Variants in MEX3A observed in about 807,000 individuals in gnomAD.
The protein encoded by MEX3A is mex-3 RNA binding family member A.
Under a neutral mutation model 30.0 loss-of-function variants are expected in MEX3A, and 4 were observed. That is an observed-to-expected ratio of 0.13 (90% CI 0.07 to 0.30). MEX3A has a LOEUF of 0.30. MEX3A is among the 10% of genes least tolerant of loss of function. The pLI is 1.00. For synonymous variants in MEX3A, 335 were observed against 327.6 expected, an observed-to-expected ratio of 1.02 and a Z score of -0.24; for missense variants, 555 against 736.7, an observed-to-expected ratio of 0.75 and a Z score of 2.86.
chr1:156,077,027 A>G lies in MEX3A; in HGVS notation c.1110T>C (p.Phe370=). ...CCTGCTTGCCCACGCCATAGCCCGG[A>G]AAGAGGTACCCGCCGTAGCCAAAGT... ...GGDFGYGGYL[F]PGYGVGKQDV... Residue 370 remains phenylalanine (F), a synonymous_variant, in exon 2 of 2, where the codon TTT becomes TTC. Transcript: ENST00000532414. This position sits in a 1 kb window ranked among gnomAD's most constrained non-coding sequence, Gnocchi z 8.3. The G allele has an allele frequency of 6.2e-7, 1 of 1,613,688 alleles. No individual in the cohort carries two copies. The highest frequency in any genetic ancestry group is 8.5e-7 in the Non-Finnish European group (1 of 1,179,812).
chr1:156,082,158 T>G lies in MEX3A; in HGVS notation c.-160A>C. ...GGGGGAAGAAAGCGAGATAGAAAGA[T>G]AGACCCTCCCCCTAAGCCCCCCTCC... On this transcript the variant is annotated 5_prime_UTR_variant, in exon 1 of 2. Transcript: ENST00000532414. Among the ~76,000 whole-genome samples the G allele has an allele frequency of 7.0e-6, 1 of 143,518 alleles. No homozygotes were observed. The highest frequency in any genetic ancestry group is 1.5e-5 in the Non-Finnish European group (1 of 65,878). 94.2% of individuals were successfully genotyped at this position (143,518 alleles called of 152,430 possible).
intron 1 of MEX3A, among the ~76,000 whole-genome samples, chr1:156,078,787 T>C (rs866840065): frequency 3.9e-5 from 6 of 152,088 alleles, no homozygotes; most frequent in Admixed American, 1.3e-4. Flanking sequence ...TTCACACACA[T>C]GTACCTAAGA....
chr1:156,075,194 TCTC>T lies in MEX3A; in HGVS notation c.*1377_*1379del, dbSNP rs889495818. ...CTGACCCCTCTTTGAAGACCTGGCTTCTCCTCAACCACATCAGGTGGGACACAG... is the reference window on the plus strand; with the variant it reads ...CTGACCCCTCTTTGAAGACCTGGCTTCTCAACCACATCAGGTGGGACACAG... On this transcript the variant is annotated 3_prime_UTR_variant, in exon 2 of 2. Transcript: ENST00000532414. The T allele has an allele frequency of 2.6e-5, 4 of 152,372 alleles. No homozygotes were observed. The highest frequency in any genetic ancestry group is 2.0e-4 in the Admixed American group (3 of 15,274). 9.4% of individuals were successfully genotyped at this position (152,372 alleles called of 1,614,324 possible). A position where few individuals can be genotyped will look rare whatever the true frequency, so the allele number is the denominator to read the frequency against.
At chr1:156,081,077 A>G (rs1037668739) in intron 1 of MEX3A, among the ~76,000 whole-genome samples, 2 of 152,046 alleles carry the variant, frequency 1.3e-5, no homozygotes, top group African/African-American at 4.8e-5. Flanking sequence ...ACAAAGAGAC[A>G]GATACTCAGT....
At chr1:156,081,364 TC>T in intron 1 of MEX3A, among the ~76,000 whole-genome samples, 180 bp downstream of exon 1, 1 of 152,268 alleles carries the variant, frequency 6.6e-6, no homozygotes, top group East Asian at 1.9e-4. Context: ...TGGAGAACCG[TC>T]CCGACTAGGG....
chr1:156,072,938 C>T lies in MEX3A; in HGVS notation c.*3636G>A, dbSNP rs965231283. ...ACGAGTCAGCTTTAAAGAACAATTA[C>T]TGAGATTGTTACTGCTACTGCTGCC... On this transcript the variant is annotated 3_prime_UTR_variant, in exon 2 of 2. Transcript: ENST00000532414. 2.0e-5 allele frequency: 3 copies of T among 152,370 alleles called. No individual in the cohort carries two copies. The highest frequency in any genetic ancestry group is 2.9e-5 in the Non-Finnish European group (2 of 68,050). 9.4% of individuals were successfully genotyped at this position (152,370 alleles called of 1,614,324 possible). A position where few individuals can be genotyped will look rare whatever the true frequency, so the allele number is the denominator to read the frequency against.
In MEX3A at chr1:156,077,183, G is replaced by A. The variant is rs1022162310; in HGVS notation, c.954C>T (p.Ser318=). 4.3e-6 allele frequency: 7 copies of A among 1,613,394 alleles called. No homozygotes were observed. Among genetic ancestry groups the A allele is most frequent in the African/African-American group, 4.0e-5 (3 of 74,950 alleles). ...SPDAAIDSRY[S]DAWRVHQPGC... is the part of the protein sequence containing the mutation. Reference sequence around the variant, plus strand: ...CGGGCTGGTGCACCCGCCAGGCGTCGGAGTAGCGGCTATCGATTGCTGCGT... The same window carrying A: ...CGGGCTGGTGCACCCGCCAGGCGTCAGAGTAGCGGCTATCGATTGCTGCGT... Residue 318 remains serine (S), a synonymous_variant, in exon 2 of 2, where the codon TCC becomes TCT. Transcript: ENST00000532414. The surrounding 1 kb of genome is among the most constrained non-coding windows in gnomAD (Gnocchi z 8.3).
In MEX3A at chr1:156,082,219, C is replaced by A. The variant is rs1206354019; in HGVS notation, c.-221G>T. Among the ~76,000 whole-genome samples the A allele has an allele frequency of 6.6e-6, 1 of 151,354 alleles. No individual in the cohort carries two copies. Among genetic ancestry groups the A allele is most frequent in the East Asian group, 2.0e-4 (1 of 5,056 alleles). ...TGTAACCCGACTCCCCTCGCCCCAG[C>A]CCCCGGGGTGGGGGTGGGGGGAAAG... On this transcript the variant is annotated 5_prime_UTR_variant, in exon 1 of 2. Coordinates refer to ENST00000532414, the MANE Select transcript of MEX3A (RefSeq NM_001093725.2).
At chr1:156,080,134 C>T (rs925487956) in intron 1 of MEX3A, among the ~76,000 whole-genome samples, 1 of 152,206 alleles carries the variant, frequency 6.6e-6, no homozygotes, top group Non-Finnish European at 1.5e-5. Context: ...CATTAAATTC[C>T]GGGGCCTCCC....
Position 156,082,024 on chromosome 1 carries a change from G to A in MEX3A, c.-26C>T, listed in dbSNP as rs1284900868. ...GGCGAAACAAAAGCTGGGGGAGAGAGAGAGGGAGAGAGAGAGAGAGAGGTG... is the reference window on the plus strand; with the variant it reads ...GGCGAAACAAAAGCTGGGGGAGAGAAAGAGGGAGAGAGAGAGAGAGAGGTG... On this transcript the variant is annotated 5_prime_UTR_variant, in exon 1 of 2. Transcript: ENST00000532414. The A allele has an allele frequency of 2.3e-6, 3 of 1,325,784 alleles. No individual in the cohort carries two copies. The highest frequency in any genetic ancestry group is 3.0e-6 in the Non-Finnish European group (3 of 1,003,468). 82.1% of individuals were successfully genotyped at this position (1,325,784 alleles called of 1,614,324 possible).
rs1181540358 is a variant in MEX3A, at chr1:156,076,862, T to G, written c.1275A>C (p.Ala425=). The stretch of plus-strand genomic sequence containing the variant: ...CCGCGGAAGTGGCAGGGGAGCGGTG[T>G]GCGCCCGGGGGCCCAGCGCGGGCCT... ...SAKARAGPPG[A]HRSPATSAGP... Residue 425 remains alanine (A), a synonymous_variant, in exon 2 of 2, where the codon GCA becomes GCC. Transcript: ENST00000532414. The surrounding 1 kb of genome is among the most constrained non-coding windows in gnomAD (Gnocchi z 6.0). The G allele has an allele frequency of 5.9e-6, 9 of 1,536,666 alleles. No individual in the cohort carries two copies. The highest frequency in any genetic ancestry group is 2.8e-5 in the African/African-American group (2 of 72,598).
intron 1 of MEX3A, among the ~76,000 whole-genome samples, chr1:156,078,791 C>A (rs1386265859): frequency 6.6e-6 from 1 of 152,136 alleles, no homozygotes; most frequent in East Asian, 1.9e-4. Context: ...CACACATGTA[C>A]CTAAGAGGTG....
rs527409208 is a variant in MEX3A at position 156,081,434 on chromosome 1, G to A, written c.454+111C>T. On this transcript the variant is annotated intron_variant, in intron 1 of 1. Coordinates refer to ENST00000532414, the MANE Select transcript of MEX3A (RefSeq NM_001093725.2). ...GGTAGGGGGCGGGTCCCCCTTTGTG[G>A]GGAAGGGACAGAGCCGGAGGCGGGC... 16 of 931,814 alleles carry A rather than the reference G, an allele frequency of 1.7e-5. No homozygotes were observed. The African/African-American group carries it at 2.7e-4, about 16-fold the overall frequency. 57.7% of individuals were successfully genotyped at this position (931,814 alleles called of 1,614,324 possible).
In MEX3A at chr1:156,076,361, C is replaced by T; in HGVS notation, c.*213G>A. 2.0e-6 allele frequency: 1 copy of T among 502,196 alleles called. No homozygotes were observed. The highest frequency in any genetic ancestry group is 3.5e-6 in the Non-Finnish European group (1 of 289,160). 31.1% of individuals were successfully genotyped at this position (502,196 alleles called of 1,614,324 possible). On this transcript the variant is annotated 3_prime_UTR_variant, in exon 2 of 2. Transcript: ENST00000532414. The surrounding 1 kb of genome is among the most constrained non-coding windows in gnomAD (Gnocchi z 6.0). ...TTGTAACTCTAGTAAAATTTTCAGT[C>T]TGGCCCCCTCCCAATCTTTCCAGGA...
intron 1 of MEX3A, among the ~76,000 whole-genome samples, chr1:156,079,283 G>A (rs1007404154): frequency 5.3e-5 from 8 of 151,780 alleles, no homozygotes; most frequent in Non-Finnish European, 8.8e-5. Flanking sequence ...GCATAATCTC[G>A]GCTCACTGCA....
rs1316891167 is a variant in MEX3A, at chr1:156,082,009, A to C, written c.-11T>G. On this transcript the variant is annotated 5_prime_UTR_variant, in exon 1 of 2. Transcript: ENST00000532414. ...CACTAGACTAGGCATGGCGAAACAAAAGCTGGGGGAGAGAGAGAGGGAGAG... is the reference window on the plus strand; with the variant it reads ...CACTAGACTAGGCATGGCGAAACAACAGCTGGGGGAGAGAGAGAGGGAGAG... 22 of 1,387,442 alleles carry C rather than the reference A, an allele frequency of 1.6e-5. No individual in the cohort carries two copies. Among genetic ancestry groups the C allele is most frequent in the South Asian group, 2.6e-5 (2 of 75,818 alleles). The allele number at this position is 1,387,442 out of a possible 1,614,324, so 85.9% of individuals were successfully genotyped here.
At chr1:156,081,520 TCA>T (rs769512453) in intron 1 of MEX3A, 23 bp downstream of exon 1, 2 of 1,596,524 alleles carry the variant, frequency 1.3e-6, no homozygotes, top group Non-Finnish European at 1.7e-6. Flanking sequence ...ACAGTCCCTC[TCA>T]GTGGTCCCGG....
chr1:156,081,507 A>T (rs1648239007), intron 1 of MEX3A, 38 bp downstream of exon 1: 3 of 1,560,712 alleles, frequency 1.9e-6, no homozygotes, highest in Admixed American at 1.7e-5. Flanking sequence ...GGGTGCCCCC[A>T]CTACAGTCCC....
intron 1 of MEX3A, among the ~76,000 whole-genome samples, chr1:156,079,996 T>C (rs1648174794): frequency 6.6e-6 from 1 of 151,658 alleles, no homozygotes; most frequent in African/African-American, 2.4e-5. Context: ...AGGAGGGAGG[T>C]TAGACAAGAG....
Sources: allele counts gnomAD v4.1 joint callset (sites outside exome capture counted in the v4.1 genomes callset), GRCh38; gene constraint gnomAD v4.1.1; non-coding constraint Gnocchi (gnomAD v3.1); transcripts MANE v1.5; gene names NCBI Gene and HGNC (gene_info 2026-07-23, HGNC 2026-07-21).